Variants in RNF150 observed in about 807,000 individuals in gnomAD.
The protein encoded by RNF150 is ring finger protein 150.
In RNF150, 24 loss-of-function variants were observed where a neutral mutation model predicts 39.3. The observed-to-expected ratio is 0.61, with a 90% confidence interval of 0.44 to 0.86. The LOEUF (loss-of-function observed/expected upper bound fraction) is 0.86, where lower values mean the gene tolerates loss of function less well. Ranked by LOEUF, RNF150 falls within the 40% of genes least tolerant of loss-of-function variation. The pLI is 0.00. For missense variants in RNF150, 502 were observed against 587.8 expected, an observed-to-expected ratio of 0.85 and a Z score of 1.51; for synonymous variants, 255 against 227.3, an observed-to-expected ratio of 1.12 and a Z score of -1.10.
chr4:141,188,253 G>A (rs1312693455), intron 1 of RNF150, among the ~76,000 whole-genome samples: 1 of 152,162 alleles, frequency 6.6e-6, no homozygotes, highest in African/African-American at 2.4e-5. Flanking sequence ...TGGGTAACCC[G>A]ACCTTTCTCT....
intron 5 of RNF150, among the ~76,000 whole-genome samples, chr4:140,916,333 T>C (rs540078928): frequency 1.3e-5 from 2 of 152,192 alleles, no homozygotes; most frequent in Non-Finnish European, 2.9e-5. Context: ...GAATAACCAA[T>C]GCAGAGAAGT....
At chr4:140,953,133 C>T (rs1732605651) in intron 2 of RNF150, among the ~76,000 whole-genome samples, 1 of 152,128 alleles carries the variant, frequency 6.6e-6, no homozygotes, top group Admixed American at 6.5e-5. Context: ...CCATTTTTGA[C>T]CAAAACGTAG....
chr4:141,081,441 A>C (rs1738144323), intron 1 of RNF150, among the ~76,000 whole-genome samples: 3 of 152,366 alleles, frequency 2.0e-5, no homozygotes, highest in Admixed American at 6.5e-5. Context: ...CTTCCATCGG[A>C]CAGGGGCAAG....
chr4:141,084,264 CA>C (rs1201915167), intron 1 of RNF150, among the ~76,000 whole-genome samples: 1 of 152,040 alleles, frequency 6.6e-6, no homozygotes, highest in African/African-American at 2.4e-5. Context: ...GGATTTGTAG[CA>C]ATATTATATA....
chr4:140,958,189 C>T (rs1732857325), intron 2 of RNF150, among the ~76,000 whole-genome samples: 1 of 152,022 alleles, frequency 6.6e-6, no homozygotes, highest in Non-Finnish European at 1.5e-5. Flanking sequence ...GCGTTACATG[C>T]AAATAATGTG....
chr4:141,051,234 C>T (rs113935783), intron 1 of RNF150, among the ~76,000 whole-genome samples: 4,456 of 152,180 alleles, frequency 0.029, 238 homozygotes, highest in African/African-American at 0.1. Context: ...ATTTTTTCCT[C>T]CTGGGCCTCT....
At chr4:140,942,925 C>T (rs1247626847) in intron 4 of RNF150, among the ~76,000 whole-genome samples, 1 of 152,182 alleles carries the variant, frequency 6.6e-6, no homozygotes, top group East Asian at 1.9e-4. Flanking sequence ...CCCCTACGCG[C>T]CACATAATCA....
chr4:140,961,012 C>T (rs1259029534), intron 2 of RNF150, among the ~76,000 whole-genome samples: 1 of 152,124 alleles, frequency 6.6e-6, no homozygotes, highest in Non-Finnish European at 1.5e-5. Context: ...TGCAAAGTCA[C>T]ACCACTAGGA....
At chr4:141,043,538 T>C (rs1195403315) in intron 1 of RNF150, among the ~76,000 whole-genome samples, 1 of 152,174 alleles carries the variant, frequency 6.6e-6, no homozygotes, top group East Asian at 1.9e-4. Context: ...AAGTTCTATA[T>C]AGGGAGACTA....
intron 1 of RNF150, among the ~76,000 whole-genome samples, chr4:140,986,392 C>A (rs1417285314): frequency 6.6e-6 from 1 of 152,030 alleles, no homozygotes; most frequent in Non-Finnish European, 1.5e-5. Flanking sequence ...TGGTTTTGTT[C>A]TTTCTGAAAG....
rs1392936891 is a variant in RNF150, at chr4:141,142,588, C to G, written c.-6+70206G>C. Among the ~76,000 whole-genome samples the G allele has an allele frequency of 5.9e-5, 9 of 152,312 alleles. No homozygotes were observed. In the East Asian group the frequency reaches 1.5e-3, roughly 26 times the overall value. On this transcript the variant is annotated intron_variant, in intron 1 of 7. Transcript: ENST00000420921. Reference sequence around the variant, plus strand: ...AGTATATTCTGGCTTCTGCCCAGGCCACTCACCGAAACTTCTGTGGTCACT... The same window carrying G: ...AGTATATTCTGGCTTCTGCCCAGGCGACTCACCGAAACTTCTGTGGTCACT...
At chr4:141,143,890 C>T (rs1212032979) in intron 1 of RNF150, among the ~76,000 whole-genome samples, 5 of 152,088 alleles carry the variant, frequency 3.3e-5, no homozygotes, top group Middle Eastern at 3.2e-3. Flanking sequence ...TTTTCCTGAC[C>T]ACCCTCCCTA....
intron 6 of RNF150, among the ~76,000 whole-genome samples, chr4:140,904,673 G>C (rs1730312190): frequency 6.6e-6 from 1 of 152,180 alleles, no homozygotes; most frequent in Non-Finnish European, 1.5e-5. Context: ...AAGTGTAGCT[G>C]CACATGTGAA....
chr4:141,114,820 G>A (rs1372344148), intron 1 of RNF150, among the ~76,000 whole-genome samples: 1 of 152,154 alleles, frequency 6.6e-6, no homozygotes, highest in African/African-American at 2.4e-5. Flanking sequence ...TCATCCCTGG[G>A]ATGCAAGGCT....
intron 1 of RNF150, among the ~76,000 whole-genome samples, chr4:141,072,422 C>T (rs536813782): frequency 6.6e-6 from 1 of 152,136 alleles, no homozygotes; most frequent in African/African-American, 2.4e-5. Flanking sequence ...ATTCTAATGC[C>T]CATTGTGTTT....
chr4:140,863,071 T>A lies in RNF150; in HGVS notation c.*5190A>T, dbSNP rs1728555451. 6.6e-6 allele frequency: 1 copy of A among 152,178 alleles called. No individual in the cohort carries two copies. Among genetic ancestry groups the A allele is most frequent in the African/African-American group, 2.4e-5 (1 of 41,436 alleles). 9.4% of individuals were successfully genotyped at this position (152,178 alleles called of 1,614,324 possible). On this transcript the variant is annotated 3_prime_UTR_variant, in exon 7 of 7. Coordinates refer to ENST00000515673, the MANE Select transcript of RNF150 (RefSeq NM_020724.2). The stretch of plus-strand genomic sequence containing the variant: ...TAAGAGGGTAGTCTCTTCGTGTCTC[T>A]TTGTCAGTCTTCAGGAATTAGTGGC...
chr4:140,939,701 T>C (rs1222039916), intron 4 of RNF150, among the ~76,000 whole-genome samples: 1 of 151,926 alleles, frequency 6.6e-6, no homozygotes, highest in African/African-American at 2.4e-5. Flanking sequence ...AAATCTGTTT[T>C]TTGTGTTACG....
chr4:141,149,850 C>T (rs1003110795), intron 1 of RNF150, among the ~76,000 whole-genome samples: 16 of 152,172 alleles, frequency 1.1e-4, no homozygotes, highest in African/African-American at 3.4e-4. Flanking sequence ...ACAATCCCAC[C>T]AACATTGTAA....
At chr4:141,049,972 T>C (rs1736716301) in intron 1 of RNF150, among the ~76,000 whole-genome samples, 1 of 152,134 alleles carries the variant, frequency 6.6e-6, no homozygotes, top group Non-Finnish European at 1.5e-5. Flanking sequence ...TGTATGTGTG[T>C]ATATGCAATA....
Sources: allele counts gnomAD v4.1 joint callset (sites outside exome capture counted in the v4.1 genomes callset), GRCh38; gene constraint gnomAD v4.1.1; transcripts MANE v1.5; gene names NCBI Gene and HGNC (gene_info 2026-07-23, HGNC 2026-07-21).